DLGAP2: variants seen among roughly 807,000 people sequenced by gnomAD.
DLGAP2 encodes DLG associated protein 2.
DLGAP2 carries 26 observed loss-of-function variants against 100.3 expected under a neutral mutation model. The observed-to-expected ratio is 0.26, with a 90% CI of 0.19 to 0.36. DLGAP2 has a LOEUF of 0.36. DLGAP2 is among the 10% of genes least tolerant of loss of function. The probability of loss-of-function intolerance (pLI) is 1.00; values close to 1 mark genes in which losing one functional copy is unlikely to be tolerated. For synonymous variants in DLGAP2, 886 were observed against 630.1 expected (o/e 1.41, Z -6.08); for missense variants, 1,858 against 1,453.2 (o/e 1.28, Z -4.53).
chr8:1,491,447 G>T (rs548888494), intron 3 of DLGAP2, among the ~76,000 whole-genome samples: 113 of 93,606 alleles, frequency 1.2e-3, no homozygotes, highest in African/African-American at 3.8e-3. Context: ...TTCAGAAAGT[G>T]AGCACGAGGA....
chr8:1,312,583 T>G (rs1800638523), intron 3 of DLGAP2, among the ~76,000 whole-genome samples: 1 of 152,210 alleles, frequency 6.6e-6, no homozygotes, highest in African/African-American at 2.4e-5. Flanking sequence ...AGGTTCTATT[T>G]GGACATGCAA....
chr8:1,668,649 A>G lies in DLGAP2; in HGVS notation c.2131A>G (p.Lys711Glu). The G allele has an allele frequency of 1.3e-6, 2 of 1,579,624 alleles. No homozygotes were observed. Among genetic ancestry groups the G allele is most frequent in the Non-Finnish European group, 1.7e-6 (2 of 1,162,500 alleles). Residue 711 changes from lysine to glutamate, a missense_variant, in exon 9 of 15, where the codon AAG becomes GAG. Physicochemically the swap from Lys to Glu is moderately conservative, Grantham distance 56. Coordinates refer to ENST00000637795, the MANE Select transcript of DLGAP2 (RefSeq NM_001346810.2). Reference protein sequence around the residue: ...ILVSKAEELLKSRCSSIGIQD... With the variant: ...ILVSKAEELLESRCSSIGIQD... ...GGTGTCCAAGGCGGAGGAGCTCCTC[A>G]AGAGCCGCTGCTCCTCCATCGGGAT...
chr8:1,439,304 G>A (rs147431569), intron 3 of DLGAP2, among the ~76,000 whole-genome samples: 2 of 152,220 alleles, frequency 1.3e-5, no homozygotes, highest in Admixed American at 1.3e-4. Flanking sequence ...CAGAGGCTGT[G>A]GGGGTTTTAG....
intron 1 of DLGAP2, among the ~76,000 whole-genome samples, chr8:873,154 G>A (rs2128991966): frequency 6.6e-6 from 1 of 152,278 alleles, no homozygotes; most frequent in East Asian, 1.9e-4. Context: ...TGCATGAATA[G>A]TATTAAAACT....
chr8:1,155,381 TC>T (rs1350885776), intron 2 of DLGAP2, among the ~76,000 whole-genome samples: 1 of 152,174 alleles, frequency 6.6e-6, no homozygotes, highest in African/African-American at 2.4e-5. Flanking sequence ...CCGGATGGTC[TC>T]CGAGTGGAGC....
At chr8:1,083,596 A>T (rs926228134) in intron 2 of DLGAP2, among the ~76,000 whole-genome samples, 2 of 152,224 alleles carry the variant, frequency 1.3e-5, no homozygotes, top group African/African-American at 4.8e-5. Flanking sequence ...CCTCATAATT[A>T]TGCTAACTGA....
Position 1,143,792 on chromosome 8 carries a change from A to G in DLGAP2, c.74-115059A>G, listed in dbSNP as rs555787198. Reference sequence around the variant, plus strand: ...GTCACCAGCACCTCTGTGTGCAGGCATTGTTGCTTTCCCTTCTGTGCAGTG... The same window carrying G: ...GTCACCAGCACCTCTGTGTGCAGGCGTTGTTGCTTTCCCTTCTGTGCAGTG... On this transcript the variant is annotated intron_variant, in intron 2 of 14. Coordinates refer to ENST00000637795, the MANE Select transcript of DLGAP2 (RefSeq NM_001346810.2). Among the ~76,000 whole-genome samples the G allele has an allele frequency of 6.6e-5, 10 of 152,278 alleles. No homozygotes were observed. The South Asian group carries it at 1.9e-3, about 29-fold the overall frequency.
intron 3 of DLGAP2, among the ~76,000 whole-genome samples, chr8:1,465,606 G>C (rs1798605403): frequency 6.6e-6 from 1 of 152,214 alleles, no homozygotes. Context: ...CACGGGTTCA[G>C]GTGTCTGGAA....
intron 2 of DLGAP2, among the ~76,000 whole-genome samples, chr8:1,025,768 G>A (rs759524266): frequency 7.9e-5 from 12 of 152,292 alleles, no homozygotes; most frequent in East Asian, 1.9e-4. Flanking sequence ...CCAGCCTAAC[G>A]GGGGTTCTGA....
rs140204850 is a variant in DLGAP2 at position 1,506,200 on chromosome 8, G to C, written c.172+4769G>C. Among the ~76,000 whole-genome samples the C allele has an allele frequency of 1.2e-3, 183 of 152,258 alleles. 1 individual carries two copies. The highest frequency in any genetic ancestry group is 4.1e-3 in the African/African-American group (171 of 41,560). Reference sequence around the variant, plus strand: ...TGTTAATACATATCTTGTCTCACAGGAATTCCCCTTGGGATGTTTATTTTT... The same window carrying C: ...TGTTAATACATATCTTGTCTCACAGCAATTCCCCTTGGGATGTTTATTTTT... On this transcript the variant is annotated intron_variant, in intron 4 of 14. Coordinates refer to ENST00000637795, the MANE Select transcript of DLGAP2 (RefSeq NM_001346810.2).
intron 1 of DLGAP2, among the ~76,000 whole-genome samples, chr8:777,360 A>C (rs1401657913): frequency 6.6e-6 from 1 of 151,186 alleles, no homozygotes; most frequent in African/African-American, 2.4e-5. Context: ...ATTTAAAGTT[A>C]ATATTGTTAT....
chr8:1,550,263 G>C (rs527568188), intron 5 of DLGAP2, among the ~76,000 whole-genome samples: 1 of 152,132 alleles, frequency 6.6e-6, no homozygotes, highest in Non-Finnish European at 1.5e-5. Context: ...ATCATTTGCC[G>C]GGAGACTCGA....
At chr8:1,276,409 G>C (rs1467110244) in intron 3 of DLGAP2, among the ~76,000 whole-genome samples, 1 of 152,094 alleles carries the variant, frequency 6.6e-6, no homozygotes, top group Non-Finnish European at 1.5e-5. Flanking sequence ...GCCGCACGTT[G>C]GGAAACCCAC....
At chr8:952,782 C>T (rs1241753952) in intron 2 of DLGAP2, among the ~76,000 whole-genome samples, 1 of 152,184 alleles carries the variant, frequency 6.6e-6, no homozygotes, top group Admixed American at 6.5e-5. Context: ...TTTCAGACTT[C>T]TCTAATTTCT....
At chr8:1,237,169 T>C (rs1378173452) in intron 2 of DLGAP2, among the ~76,000 whole-genome samples, 2 of 137,330 alleles carry the variant, frequency 1.5e-5, no homozygotes, top group Admixed American at 1.4e-4. Flanking sequence ...CGTGTCTAGT[T>C]CTCTCACATG....
intron 2 of DLGAP2, chr8:1,032,609 T>G (rs2129028222): frequency 6.6e-6 from 1 of 152,346 alleles, no homozygotes; most frequent in African/African-American, 2.4e-5. Flanking sequence ...CAAAATATTT[T>G]ACCATGCCCT....
intron 8 of DLGAP2, among the ~76,000 whole-genome samples, chr8:1,657,091 G>GT (rs1315237538): frequency 6.6e-6 from 1 of 152,040 alleles, no homozygotes; most frequent in East Asian, 1.9e-4. Flanking sequence ...CTTGGAATAG[G>GT]TATTTTTTTT....
At chr8:1,128,335 G>A (rs1017595096) in intron 2 of DLGAP2, among the ~76,000 whole-genome samples, 5 of 151,710 alleles carry the variant, frequency 3.3e-5, no homozygotes, top group African/African-American at 1.2e-4. Context: ...CCTGCCCCCG[G>A]TGTTGTGTTC....
chr8:1,605,025 A>G (rs1196300228), intron 6 of DLGAP2, among the ~76,000 whole-genome samples: 2 of 152,232 alleles, frequency 1.3e-5, no homozygotes, highest in Non-Finnish European at 2.9e-5. Context: ...TAGAAGCAAC[A>G]GCACCAGAAG....
Sources: allele counts gnomAD v4.1 joint callset (sites outside exome capture counted in the v4.1 genomes callset), GRCh38; gene constraint gnomAD v4.1.1; transcripts MANE v1.5; gene names NCBI Gene and HGNC (gene_info 2026-07-23, HGNC 2026-07-21).